The following SNX24 variants were observed in gnomAD, a reference collection of about 807,000 sequenced individuals.
SNX24 encodes sorting nexin 24, also known as sorting nexin-24.
SNX24 carries 22 observed loss-of-function variants against 28.7 expected under a neutral mutation model. The ratio of observed to expected loss-of-function variants is 0.77; its 90% CI spans 0.55 to 1.10. The LOEUF is 1.10. Ranked by LOEUF, SNX24 falls within the 50% of genes least tolerant of loss-of-function variation. The pLI is 0.00. For synonymous variants in SNX24, 69 were observed against 71.5 expected (o/e 0.96, Z 0.18); for missense variants, 221 against 201.1 (o/e 1.10, Z -0.60).
At chr5:122,943,270 A>T (rs969205686) in intron 2 of SNX24, among the ~76,000 whole-genome samples, 1 of 152,174 alleles carries the variant, frequency 6.6e-6, no homozygotes, top group Non-Finnish European at 1.5e-5. Flanking sequence ...CACATAATAA[A>T]GCCTGCCTTC....
chr5:123,017,953 T>C (rs1415037121), intron 5 of SNX24, among the ~76,000 whole-genome samples: 1 of 152,106 alleles, frequency 6.6e-6, no homozygotes, highest in African/African-American at 2.4e-5. Context: ...ACATACTTAC[T>C]GAACATTAAT....
chr5:122,857,869 G>A (rs575690782), intron 1 of SNX24, among the ~76,000 whole-genome samples: 27 of 152,074 alleles, frequency 1.8e-4, no homozygotes, highest in East Asian at 3.9e-4. Flanking sequence ...TGCAACCTCC[G>A]CCTCCTGGGT....
chr5:122,859,087 ATGCCTGGATATTGTAATCATT>A (rs1434477059), intron 1 of SNX24, among the ~76,000 whole-genome samples: 2 of 152,304 alleles, frequency 1.3e-5, no homozygotes, highest in East Asian at 3.9e-4. Context: ...TCTAGGTATC[ATGCCTGGATATTGTAATCATT>A]TGCCTGGATA....
intron 3 of SNX24, among the ~76,000 whole-genome samples, chr5:122,999,248 CTA>C (rs1459827359): frequency 5.3e-5 from 8 of 152,086 alleles, no homozygotes; most frequent in Admixed American, 2.0e-4. Context: ...TGGAAGAACT[CTA>C]TAGATTTTTT....
At chr5:122,847,775 T>G (rs1650941963) in intron 1 of SNX24, among the ~76,000 whole-genome samples, 1 of 152,058 alleles carries the variant, frequency 6.6e-6, no homozygotes, top group Non-Finnish European at 1.5e-5. Flanking sequence ...ATAACAGGCA[T>G]GAGCCACCAC....
chr5:122,873,192 C>T (rs1756060978), intron 1 of SNX24, among the ~76,000 whole-genome samples: 2 of 152,044 alleles, frequency 1.3e-5, no homozygotes, highest in South Asian at 2.1e-4. Flanking sequence ...CCTGGGTGGT[C>T]TCAAACTCCC....
intron 1 of SNX24, among the ~76,000 whole-genome samples, chr5:122,919,716 C>A (rs1758335646): frequency 6.6e-6 from 1 of 152,098 alleles, no homozygotes. Context: ...TCTTATTCAC[C>A]TGTCAGAGAG....
chr5:123,016,229 C>T (rs1180818667), intron 5 of SNX24, among the ~76,000 whole-genome samples: 1 of 152,162 alleles, frequency 6.6e-6, no homozygotes, highest in Non-Finnish European at 1.5e-5. Context: ...TTTACTTGTA[C>T]ATAGGTAAGA....
intron 3 of SNX24, among the ~76,000 whole-genome samples, chr5:122,970,175 G>T (rs1178138046): frequency 2.0e-5 from 3 of 148,244 alleles, no homozygotes; most frequent in Admixed American, 6.8e-5. Flanking sequence ...AGAGTTTCTG[G>T]GTGGATATTC....
chr5:122,898,195 G>A (rs1259479546), intron 1 of SNX24, among the ~76,000 whole-genome samples: 1 of 152,176 alleles, frequency 6.6e-6, no homozygotes, highest in Non-Finnish European at 1.5e-5. Flanking sequence ...ATGACTGAGT[G>A]TGCCCGTGTG....
intron 3 of SNX24, among the ~76,000 whole-genome samples, chr5:122,997,476 T>C (rs1217057580): frequency 2.3e-4 from 35 of 152,328 alleles, no homozygotes; most frequent in Admixed American, 2.3e-3. Context: ...TTAATTCCCG[T>C]CCCTGTGTTG....
chr5:122,891,490 AT>A (rs1360614502), intron 1 of SNX24, among the ~76,000 whole-genome samples: 1 of 151,942 alleles, frequency 6.6e-6, no homozygotes, highest in Non-Finnish European at 1.5e-5. Flanking sequence ...CTTTTATTGA[AT>A]TTTTTTCAGT....
At chr5:122,911,152 A>T (rs1344922569) in intron 1 of SNX24, among the ~76,000 whole-genome samples, 7 of 152,146 alleles carry the variant, frequency 4.6e-5, no homozygotes. Flanking sequence ...CTTTTTAATG[A>T]TTGCCATTCT....
chr5:122,964,278 A>G (rs1361631095), intron 3 of SNX24, among the ~76,000 whole-genome samples: 2 of 151,134 alleles, frequency 1.3e-5, no homozygotes, highest in Non-Finnish European at 2.9e-5. Flanking sequence ...AAAAAGAACA[A>G]TAGTTCTGAA....
At chr5:122,871,815 C>T (rs1053763939) in intron 1 of SNX24, among the ~76,000 whole-genome samples, 1 of 151,986 alleles carries the variant, frequency 6.6e-6, no homozygotes, top group Non-Finnish European at 1.5e-5. Context: ...TCATCCTGCT[C>T]GAGGAAGTTC....
intron 1 of SNX24, among the ~76,000 whole-genome samples, chr5:122,857,141 A>T (rs1051530725): frequency 1.3e-5 from 2 of 151,872 alleles, no homozygotes; most frequent in Admixed American, 6.6e-5. Flanking sequence ...CCTCCCAAGT[A>T]GCTGAGATTA....
chr5:122,895,188 A>G (rs1163328056), intron 1 of SNX24, among the ~76,000 whole-genome samples: 3 of 151,998 alleles, frequency 2.0e-5, no homozygotes, highest in African/African-American at 7.2e-5. Flanking sequence ...GGTTAAAAAA[A>G]TTAATATATA....
intron 3 of SNX24, among the ~76,000 whole-genome samples, chr5:122,999,544 A>T (rs1366948238): frequency 6.6e-6 from 1 of 152,168 alleles, no homozygotes; most frequent in African/African-American, 2.4e-5. Context: ...ACATATCTTA[A>T]CAGTATTATT....
chr5:122,917,647 G>A (rs946298631), intron 1 of SNX24, among the ~76,000 whole-genome samples: 5 of 152,152 alleles, frequency 3.3e-5, no homozygotes, highest in African/African-American at 1.2e-4. Context: ...TTAGGCCTTT[G>A]TGTAAGGACC....
Sources: allele counts gnomAD v4.1 joint callset (sites outside exome capture counted in the v4.1 genomes callset), GRCh38; gene constraint gnomAD v4.1.1; transcripts MANE v1.5; gene names NCBI Gene and HGNC (gene_info 2026-07-23, HGNC 2026-07-21).